The following ATR variants were observed in gnomAD, a reference collection of about 807,000 sequenced individuals.
ATR encodes serine/threonine-protein kinase ATR.
ATR carries 142 observed loss-of-function variants against 305.3 expected under a neutral mutation model. The observed-to-expected ratio is 0.47, with a 90% CI of 0.41 to 0.53. ATR has a LOEUF of 0.53. ATR is among the 20% of genes least tolerant of loss of function. The pLI is 0.00. For synonymous variants in ATR, 1,050 were observed against 1,068.1 expected, an observed-to-expected ratio of 0.98 and a Z score of 0.33; for missense variants, 2,135 against 3,133.1, an observed-to-expected ratio of 0.68 and a Z score of 7.60.
At chr3:142,473,550 T>G (rs2108286283) in intron 36 of ATR, among the ~76,000 whole-genome samples, 1 of 151,170 alleles carries the variant, frequency 6.6e-6, no homozygotes, top group Non-Finnish European at 1.5e-5. Context: ...CTTTATTCTT[T>G]TTTTTTTTTT....
chr3:142,509,853 C>A (rs1372621688), intron 27 of ATR, among the ~76,000 whole-genome samples: 1 of 152,066 alleles, frequency 6.6e-6, no homozygotes, highest in Non-Finnish European at 1.5e-5. Context: ...CAGTGGCTCA[C>A]GTCTGTAATC....
At chr3:142,570,307 C>T (rs1352806821) in intron 1 of ATR, among the ~76,000 whole-genome samples, 1 of 152,074 alleles carries the variant, frequency 6.6e-6, no homozygotes, top group Non-Finnish European at 1.5e-5. Flanking sequence ...ATTTTGCTGC[C>T]TGTGCTTTGT....
At chr3:142,502,362 A>G (rs1271258578) in intron 30 of ATR, among the ~76,000 whole-genome samples, 1 of 152,124 alleles carries the variant, frequency 6.6e-6, no homozygotes, top group Non-Finnish European at 1.5e-5. Context: ...TGGCACATAT[A>G]CACAATGGAA....
intron 34 of ATR, among the ~76,000 whole-genome samples, chr3:142,494,461 T>C (rs1205083690): frequency 6.6e-6 from 1 of 152,234 alleles, no homozygotes; most frequent in Non-Finnish European, 1.5e-5. Flanking sequence ...ATCAGCATTA[T>C]ACAGGATAGA....
rs57120276 is a variant in ATR at position 142,544,452 on chromosome 3, C to CAAAAAAAAAAAAAAAAAAAAAAAA, written c.3358-1719_3358-1696dup. Among the ~76,000 whole-genome samples the CAAAAAAAAAAAAAAAAAAAAAAAA allele has an allele frequency of 1.1e-3, 20 of 18,974 alleles. 3 individuals carry two copies. The highest frequency in any genetic ancestry group is 1.5e-3 in the Non-Finnish European group (15 of 9,724). 12.4% of individuals were successfully genotyped at this position (18,974 alleles called of 152,430 possible). A position where few individuals can be genotyped will look rare whatever the true frequency, so the allele number is the denominator to read the frequency against. The stretch of plus-strand genomic sequence containing the variant: ...GGGTGACAGAGCAAAATCCTGCCTC[C>CAAAAAAAAAAAAAAAAAAAAAAAA]AAAAAAAAAAAAAAAAAAAAAAAAA... On this transcript the variant is annotated intron_variant, in intron 16 of 46. Coordinates refer to ENST00000350721, the MANE Select transcript of ATR (RefSeq NM_001184.4).
chr3:142,451,627 T>A, intron 46 of ATR: 1 of 1,250,488 alleles, frequency 8.0e-7, no homozygotes, highest in African/African-American at 1.5e-5. Flanking sequence ...TTGCCCAGGC[T>A]GGAGTGCAGT....
intron 45 of ATR, among the ~76,000 whole-genome samples, chr3:142,453,758 C>T (rs1017005200): frequency 1.3e-5 from 2 of 152,170 alleles, no homozygotes; most frequent in African/African-American, 4.8e-5. Flanking sequence ...TCATCATCCA[C>T]CCATTTGCCC....
In ATR at chr3:142,524,210, A is replaced by C. The variant is rs771267868; in HGVS notation, c.3946-11T>G. 6 of 1,598,614 alleles carry C rather than the reference A, an allele frequency of 3.8e-6. No individual in the cohort carries two copies. The East Asian group carries it at 9.0e-5, about 24-fold the overall frequency. The stretch of plus-strand genomic sequence containing the variant: ...CTTTATCAGTTTTTCCTAAAATAAA[A>C]GTAGAAAGAAAATTTATACGTAATT... On this transcript the variant is annotated splice_polypyrimidine_tract_variant and intron_variant, in intron 21 of 46. Coordinates refer to ENST00000350721, the MANE Select transcript of ATR (RefSeq NM_001184.4).
chr3:142,525,657 G>A (rs2033350963), intron 21 of ATR, among the ~76,000 whole-genome samples: 1 of 152,154 alleles, frequency 6.6e-6, no homozygotes, highest in South Asian at 2.1e-4. Context: ...ATGGCTTGGT[G>A]CCATCCCTGT....
chr3:142,465,408 A>C (rs907154130), intron 40 of ATR, 168 bp from the exon 41 acceptor site: 8 of 469,010 alleles, frequency 1.7e-5, no homozygotes, highest in African/African-American at 4.0e-5. Context: ...ATGACCTATG[A>C]AAAGAATGAC....
chr3:142,475,193 A>C (rs1326691449), intron 36 of ATR, among the ~76,000 whole-genome samples: 1 of 152,122 alleles, frequency 6.6e-6, no homozygotes, highest in Non-Finnish European at 1.5e-5. Flanking sequence ...GGTGTGCTGC[A>C]CCCATTAACT....
intron 19 of ATR, 109 bp from the exon 20 acceptor site, chr3:142,536,310 T>G: frequency 1.3e-6 from 1 of 784,122 alleles, no homozygotes; most frequent in South Asian, 1.5e-5. Flanking sequence ...TTAAAAGTGC[T>G]AGTTGATTAC....
At position 142,541,039 on chromosome 3, in the gene ATR, AGAGTT is replaced by A. The variant is rs753404892; in HGVS notation, c.3451-10_3451-6del. The A allele has an allele frequency of 1.2e-6, 2 of 1,613,310 alleles. No individual in the cohort carries two copies. Among genetic ancestry groups the A allele is most frequent in the Non-Finnish European group, 1.7e-6 (2 of 1,179,516 alleles). On this transcript the variant is annotated splice_polypyrimidine_tract_variant and splice_region_variant and intron_variant, in intron 17 of 46. Transcript: ENST00000350721. ...AGACATCAAACTGTTCAAGGCCTAT[AGAGTT>A]AAGTAGTGCTTCAGAGTAAAGCTTA...
chr3:142,483,749 G>A (rs112405423), intron 36 of ATR, among the ~76,000 whole-genome samples: 2,741 of 152,044 alleles, frequency 0.018, 29 homozygotes, highest in South Asian at 0.041. Flanking sequence ...AGCCAGAGTC[G>A]CTTGAACCTG....
intron 16 of ATR, among the ~76,000 whole-genome samples, chr3:142,544,747 A>G (rs2034205106): frequency 6.6e-6 from 1 of 151,984 alleles, no homozygotes; most frequent in South Asian, 2.1e-4. Flanking sequence ...TCCATGCATT[A>G]CCAAGAAAAG....
chr3:142,504,085 AT>A (rs2032114368), intron 29 of ATR, among the ~76,000 whole-genome samples: 1 of 152,238 alleles, frequency 6.6e-6, no homozygotes, highest in Non-Finnish European at 1.5e-5. Flanking sequence ...TCTGAGAAAC[AT>A]GTCAAATATG....
intron 25 of ATR, among the ~76,000 whole-genome samples, chr3:142,514,206 G>A (rs6775426): frequency 0.066 from 10,106 of 152,020 alleles, 1,087 homozygotes; most frequent in African/African-American, 0.22. Flanking sequence ...CCGGGAGGCG[G>A]AGGTTGCAGT....
At chr3:142,474,668 G>A (rs1017813458) in intron 36 of ATR, among the ~76,000 whole-genome samples, 11 of 152,050 alleles carry the variant, frequency 7.2e-5, no homozygotes, top group Non-Finnish European at 1.6e-4. Context: ...CATGTCGTCT[G>A]CAAATAGAAA....
chr3:142,524,477 C>T (rs2033288026), intron 21 of ATR, among the ~76,000 whole-genome samples: 1 of 152,116 alleles, frequency 6.6e-6, no homozygotes, highest in Non-Finnish European at 1.5e-5. Context: ...TACAAAAAAT[C>T]AGTAAAACAA....
Sources: allele counts gnomAD v4.1 joint callset (sites outside exome capture counted in the v4.1 genomes callset), GRCh38; gene constraint gnomAD v4.1.1; transcripts MANE v1.5; gene names NCBI Gene and HGNC (gene_info 2026-07-23, HGNC 2026-07-21).